The following ANKRD42 variants were observed in gnomAD, a reference collection of about 807,000 sequenced individuals.
ANKRD42 encodes the protein ankyrin repeat domain 42.
In ANKRD42, 43 loss-of-function variants were observed where a neutral mutation model predicts 51.5. The observed-to-expected ratio is 0.83, with a 90% CI of 0.65 to 1.08. The LOEUF (loss-of-function observed/expected upper bound fraction) is 1.08. Among genes scored for constraint, ANKRD42 ranks in the 50% least tolerant of loss-of-function variants. ANKRD42 has a pLI of 0.00. For missense variants in ANKRD42, 608 were observed against 629.3 expected (o/e 0.97, Z 0.36); for synonymous variants, 203 against 213.0 (o/e 0.95, Z 0.41).
intron 8 of ANKRD42, among the ~76,000 whole-genome samples, chr11:83,238,613 C>T (rs1863291713): frequency 1.3e-5 from 2 of 151,998 alleles, no homozygotes; most frequent in Admixed American, 6.6e-5. Flanking sequence ...GGCGGATCAC[C>T]TGAGGTCAGG....
chr11:83,230,286 A>C (rs1004811798), intron 7 of ANKRD42, among the ~76,000 whole-genome samples: 2 of 151,920 alleles, frequency 1.3e-5, no homozygotes, highest in African/African-American at 4.8e-5. Flanking sequence ...CTCCTGACTC[A>C]AGTGATCCAT....
Position 83,248,180 on chromosome 11 carries a change from G to T in ANKRD42, c.1560G>T (p.Leu520Phe). 6.6e-7 allele frequency: 1 copy of T among 1,520,812 alleles called. No individual in the cohort carries two copies. The allele number at this position is 1,520,812 out of a possible 1,614,324, so 94.2% of individuals were successfully genotyped here. ...VQALGWGSLD[L>F]NPGYSLF is the part of the protein sequence containing the mutation. The stretch of plus-strand genomic sequence containing the variant: ...CTTTGGGCTGGGGCTCTTTGGACTT[G>T]AATCCTGGCTATAGTCTTTTTTGAT... The change falls in exon 11 of 11, where the codon TTG (leucine) becomes TTT (phenylalanine). Residue 520 changes from leucine to phenylalanine, a missense_variant. Coordinates refer to ENST00000533342, the MANE Select transcript of ANKRD42 (RefSeq NM_001300975.2).
At chr11:83,258,316 T>A (rs1863807576), downstream of ANKRD42, among the ~76,000 whole-genome samples, 1 of 152,164 alleles carries the variant, frequency 6.6e-6, no homozygotes, top group African/African-American at 2.4e-5. Context: ...ATCATATACC[T>A]ATATTATTGA....
intron 7 of ANKRD42, among the ~76,000 whole-genome samples, chr11:83,228,959 T>A (rs988812385): frequency 6.6e-6 from 1 of 151,936 alleles, no homozygotes; most frequent in African/African-American, 2.4e-5. Context: ...TTTTGTTTTT[T>A]TTTTAATGTG....
chr11:83,245,424 A>G (rs1863514993), intron 9 of ANKRD42, 74 bp from the exon 10 acceptor site: 2 of 1,462,638 alleles, frequency 1.4e-6, no homozygotes, highest in African/African-American at 2.8e-5. Context: ...GAATATGCTC[A>G]AGAATACCAG....
At position 83,227,852 on chromosome 11, in the gene ANKRD42, GATCA is replaced by G. The variant is rs1196005180; in HGVS notation, c.895_898del (p.Ser299LeufsTer12). On this transcript the variant is annotated frameshift_variant, in exon 7 of 11. Transcript: ENST00000533342. LOFTEE classifies it high-confidence loss of function. Reference sequence around the variant, plus strand: ...AATATTAATGAGCGTGCTGATAATGGATCAACTCCTATGCATAAAGGTGAGTTAT... The same window carrying G: ...AATATTAATGAGCGTGCTGATAATGGACTCCTATGCATAAAGGTGAGTTAT... 1 of 1,609,942 alleles carries G rather than the reference GATCA, an allele frequency of 6.2e-7. No homozygotes were observed. The highest frequency in any genetic ancestry group is 2.2e-5 in the East Asian group (1 of 44,752).
At chr11:83,242,224 T>G (rs1863406551) in intron 9 of ANKRD42, among the ~76,000 whole-genome samples, 1 of 152,192 alleles carries the variant, frequency 6.6e-6, no homozygotes, top group East Asian at 1.9e-4. Context: ...AATACCATAC[T>G]TTGTTGGGAA....
At chr11:83,235,160 T>C (rs1863188558) in intron 7 of ANKRD42, among the ~76,000 whole-genome samples, 2 of 152,180 alleles carry the variant, frequency 1.3e-5, no homozygotes, top group Non-Finnish European at 2.9e-5. Flanking sequence ...ATAAAAGAAC[T>C]AGAGATTTCT....
chr11:83,246,229 A>G (rs985181308), intron 10 of ANKRD42, among the ~76,000 whole-genome samples: 1 of 152,158 alleles, frequency 6.6e-6, no homozygotes, highest in African/African-American at 2.4e-5. Context: ...ACATTTGTAG[A>G]CTTTTTTCCT....
At chr11:83,221,956 C>G (rs572807234) in intron 5 of ANKRD42, among the ~76,000 whole-genome samples, 13 of 152,238 alleles carry the variant, frequency 8.5e-5, no homozygotes, top group African/African-American at 2.9e-4. Context: ...TGCCAGGGAG[C>G]CCAAGATGAT....
chr11:83,232,101 CTTTTT>C (rs59648047), intron 7 of ANKRD42, among the ~76,000 whole-genome samples: 74 of 140,482 alleles, frequency 5.3e-4, no homozygotes, highest in Middle Eastern at 3.7e-3. Flanking sequence ...TAAATTTTAG[CTTTTT>C]TTTTTTTTTT....
At chr11:83,213,146 AG>A (rs1450820359) in intron 5 of ANKRD42, 17 of 1,601,720 alleles carry the variant, frequency 1.1e-5, no homozygotes, top group Non-Finnish European at 1.4e-5. Flanking sequence ...GGTTCGTAGA[AG>A]GTTCAAGGAC....
intron 5 of ANKRD42, among the ~76,000 whole-genome samples, chr11:83,218,523 A>G (rs552767355): frequency 2.6e-5 from 4 of 152,332 alleles, no homozygotes; most frequent in Admixed American, 6.5e-5. Flanking sequence ...CTGTATAGTT[A>G]TAGGGATCAT....
chr11:83,237,361 TTAGA>T (rs1465591495), intron 8 of ANKRD42, among the ~76,000 whole-genome samples: 2 of 149,196 alleles, frequency 1.3e-5, no homozygotes, highest in Admixed American at 6.6e-5. Context: ...GGGACAGAAT[TTAGA>T]TAGAGGTGAA....
chr11:83,216,996 G>GT (rs1428239075), intron 5 of ANKRD42, among the ~76,000 whole-genome samples: 1 of 147,066 alleles, frequency 6.8e-6, no homozygotes, highest in Non-Finnish European at 1.5e-5. Context: ...TTTTAGGCCA[G>GT]TCGGAGACCA....
At chr11:83,210,236 G>A in intron 3 of ANKRD42, 64 bp from the exon 4 acceptor site, 2 of 1,508,858 alleles carry the variant, frequency 1.3e-6, no homozygotes, top group Admixed American at 1.7e-5. Flanking sequence ...TGTATAATCT[G>A]CATCTGCATT....
intron 5 of ANKRD42, among the ~76,000 whole-genome samples, chr11:83,224,214 T>A (rs1235178008): frequency 6.6e-6 from 1 of 152,184 alleles, no homozygotes; most frequent in Non-Finnish European, 1.5e-5. Context: ...AAGTGACAAA[T>A]GCATAGTGAT....
intron 5 of ANKRD42, among the ~76,000 whole-genome samples, chr11:83,223,799 A>G (rs983467907): frequency 1.3e-5 from 2 of 152,136 alleles, no homozygotes; most frequent in Non-Finnish European, 2.9e-5. Context: ...CCTGAATTAT[A>G]CTGGCCACTT....
In ANKRD42 at chr11:83,236,473, A is replaced by G. The variant is rs769750780; in HGVS notation, c.983A>G (p.Asn328Ser). 1.9e-6 allele frequency: 3 copies of G among 1,612,010 alleles called. No homozygotes were observed. The highest frequency in any genetic ancestry group is 2.2e-5 in the South Asian group (2 of 90,196). Residue 328 changes from asparagine (N) to serine (S), a missense_variant, in exon 8 of 11, where the codon AAC (asparagine) becomes AGC (serine). By Grantham distance (46) the Asn-to-Ser change is conservative. Coordinates refer to ENST00000533342, the MANE Select transcript of ANKRD42 (RefSeq NM_001300975.2). ...IKMGADSNIT[N>S]KAGERPSDVA... Reference sequence around the variant, plus strand: ...ATGGGAGCAGACAGTAATATTACCAACAAAGCAGGGGAGAGACCCAGTGAT... The same window carrying G: ...ATGGGAGCAGACAGTAATATTACCAGCAAAGCAGGGGAGAGACCCAGTGAT...
Sources: allele counts gnomAD v4.1 joint callset (sites outside exome capture counted in the v4.1 genomes callset), GRCh38; gene constraint gnomAD v4.1.1; transcripts MANE v1.5; gene names NCBI Gene and HGNC (gene_info 2026-07-23, HGNC 2026-07-21).